UBE2E2: variants seen among roughly 807,000 people sequenced by gnomAD.
The protein encoded by UBE2E2 is ubiquitin conjugating enzyme E2 E2.
UBE2E2 carries 6 observed loss-of-function variants against 24.7 expected under a neutral mutation model. The observed-to-expected ratio is 0.24, with a 90% confidence interval of 0.13 to 0.48. The LOEUF is 0.48. Among genes scored for constraint, UBE2E2 ranks in the 20% least tolerant of loss-of-function variants. The probability of loss-of-function intolerance (pLI) is 0.99; values close to 1 mark genes in which losing one functional copy is unlikely to be tolerated. For synonymous variants in UBE2E2, 104 were observed against 83.6 expected (o/e 1.24, Z -1.33); for missense variants, 169 against 245.0 (o/e 0.69, Z 2.07).
intron 3 of UBE2E2, among the ~76,000 whole-genome samples, chr3:23,222,975 T>C (rs996538427): frequency 2.0e-5 from 3 of 151,788 alleles, no homozygotes; most frequent in Admixed American, 2.0e-4. Flanking sequence ...TTTGGCCATT[T>C]GCATGTCTTC....
At chr3:23,224,181 A>G (rs1413377891) in intron 3 of UBE2E2, among the ~76,000 whole-genome samples, 3 of 36,808 alleles carry the variant, frequency 8.2e-5, no homozygotes, top group South Asian at 8.2e-4. Context: ...TTTTTTTTTT[A>G]CTATTTCTGT....
chr3:23,402,567 C>A (rs1415596726), intron 3 of UBE2E2, among the ~76,000 whole-genome samples: 1 of 152,138 alleles, frequency 6.6e-6, no homozygotes, highest in African/African-American at 2.4e-5. Flanking sequence ...AGATTTTCAA[C>A]CATCTTTGGT....
intron 3 of UBE2E2, among the ~76,000 whole-genome samples, chr3:23,418,347 A>G (rs1182444316): frequency 2.6e-5 from 4 of 152,220 alleles, no homozygotes; most frequent in African/African-American, 9.6e-5. Flanking sequence ...GGGTAACGCA[A>G]TGCCCCACCC....
chr3:23,268,198 C>A lies in UBE2E2; in HGVS notation c.227+50886C>A, dbSNP rs879905279. Among the ~76,000 whole-genome samples the A allele has an allele frequency of 7.6e-3, 1,135 of 149,272 alleles. 6 individuals are homozygous for A. The highest frequency in any genetic ancestry group is 0.013 in the Non-Finnish European group (903 of 67,030). ...CCTATTCAACATAGTGTTGGAAGTT[C>A]TGGCCAGGGCAATTAGGCAGGAGAA... is the stretch of plus-strand genomic sequence containing the variant. On this transcript the variant is annotated intron_variant, in intron 3 of 5. Coordinates refer to ENST00000396703, the MANE Select transcript of UBE2E2 (RefSeq NM_152653.4).
At position 23,354,881 on chromosome 3, in the gene UBE2E2, A is replaced by G. The variant is rs1459879576; in HGVS notation, c.227+137569A>G. 2.6e-5 allele frequency among the ~76,000 whole-genome samples: 4 copies of G among 152,362 alleles called. No individual in the cohort carries two copies. The East Asian group carries it at 5.8e-4, about 22-fold the overall frequency. ...TGACCCAGCCATCCCATTACTGGGT[A>G]TATACCCAAAGAACTATAAATCATG... On this transcript the variant is annotated intron_variant, in intron 3 of 5. Coordinates refer to ENST00000396703, the MANE Select transcript of UBE2E2 (RefSeq NM_152653.4).
At chr3:23,367,667 G>A (rs538237645) in intron 3 of UBE2E2, among the ~76,000 whole-genome samples, 19 of 152,148 alleles carry the variant, frequency 1.2e-4, no homozygotes, top group South Asian at 1.2e-3. Flanking sequence ...GATTTCGTTC[G>A]GGCAGATTAA....
At chr3:23,275,643 T>C (rs930452975) in intron 3 of UBE2E2, among the ~76,000 whole-genome samples, 1 of 152,218 alleles carries the variant, frequency 6.6e-6, no homozygotes, top group African/African-American at 2.4e-5. Context: ...AGCAGTCTTA[T>C]TCTCAGTTTT....
At chr3:23,534,622 C>T (rs1002163979) in intron 5 of UBE2E2, among the ~76,000 whole-genome samples, 3 of 152,078 alleles carry the variant, frequency 2.0e-5, no homozygotes, top group Non-Finnish European at 4.4e-5. Flanking sequence ...CTTCTAGAAT[C>T]TTAAATAGAG....
chr3:23,424,371 C>G (rs1287436842), intron 3 of UBE2E2, among the ~76,000 whole-genome samples: 2 of 151,230 alleles, frequency 1.3e-5, no homozygotes, highest in Admixed American at 1.3e-4. Flanking sequence ...GCTGGGGTAT[C>G]TACTCTTGTA....
rs182864926 is a variant in UBE2E2 at position 23,205,757 on chromosome 3, G to A, written c.-9+2293G>A. Among the ~76,000 whole-genome samples, 262 of 152,170 alleles carry A rather than the reference G, an allele frequency of 1.7e-3. 2 individuals carry two copies. The highest frequency in any genetic ancestry group is 5.9e-3 in the African/African-American group (244 of 41,532). On this transcript the variant is annotated intron_variant, in intron 1 of 5. Coordinates refer to ENST00000396703, the MANE Select transcript of UBE2E2 (RefSeq NM_152653.4). ...AACCAGAAATTACACCTCTGTTGGG[G>A]AATTTCTAATAGTATTTTTATTAGT...
At chr3:23,418,125 A>G (rs1367032285) in intron 3 of UBE2E2, among the ~76,000 whole-genome samples, 1 of 152,134 alleles carries the variant, frequency 6.6e-6, no homozygotes, top group Non-Finnish European at 1.5e-5. Flanking sequence ...TCCTGCAGCT[A>G]GCTTGGTGTC....
At chr3:23,257,431 T>C (rs909396296) in intron 3 of UBE2E2, among the ~76,000 whole-genome samples, 1 of 147,956 alleles carries the variant, frequency 6.8e-6, no homozygotes, top group African/African-American at 2.5e-5. Flanking sequence ...ACAAAATAGA[T>C]GTACTTAAGC....
chr3:23,446,578 G>A (rs1018260829), intron 3 of UBE2E2, among the ~76,000 whole-genome samples: 4 of 151,998 alleles, frequency 2.6e-5, no homozygotes, highest in Middle Eastern at 3.2e-3. Flanking sequence ...GATAGGGACT[G>A]AGAAGAAAGC....
Position 23,327,716 on chromosome 3 carries a change from C to T in UBE2E2, c.227+110404C>T, listed in dbSNP as rs935565204. On this transcript the variant is annotated intron_variant, in intron 3 of 5. Transcript: ENST00000396703. ...TTTTTCCTTTTGCAAAGCAAAGGCT[C>T]GACAAAATTTTATAGACTGGTGAAA... 3.9e-5 allele frequency among the ~76,000 whole-genome samples: 6 copies of T among 152,030 alleles called. No individual in the cohort carries two copies. The South Asian group carries it at 1.0e-3, about 26-fold the overall frequency.
At chr3:23,540,183 C>T (rs981643425) in intron 5 of UBE2E2, among the ~76,000 whole-genome samples, 1 of 152,076 alleles carries the variant, frequency 6.6e-6, no homozygotes, top group African/African-American at 2.4e-5. Flanking sequence ...CCTGCTTCAG[C>T]CTCCCGAGTA....
At chr3:23,422,253 G>A (rs1236907633) in intron 3 of UBE2E2, among the ~76,000 whole-genome samples, 5 of 152,072 alleles carry the variant, frequency 3.3e-5, no homozygotes, top group African/African-American at 4.8e-5. Flanking sequence ...TAATAAATAC[G>A]GGGATAGAGA....
chr3:23,432,266 T>G (rs1698078345), intron 3 of UBE2E2, among the ~76,000 whole-genome samples: 1 of 152,130 alleles, frequency 6.6e-6, no homozygotes, highest in South Asian at 2.1e-4. Context: ...AATTAATTGG[T>G]TAATGCATTA....
intron 3 of UBE2E2, among the ~76,000 whole-genome samples, chr3:23,492,844 A>C (rs1699527749): frequency 1.3e-5 from 2 of 152,150 alleles, no homozygotes; most frequent in African/African-American, 2.4e-5. Context: ...TATGTATGTA[A>C]TTTTAAATAT....
rs118158024 is a variant in UBE2E2, at chr3:23,385,601, C to T, written c.228-114007C>T. Among the ~76,000 whole-genome samples the T allele has an allele frequency of 5.6e-4, 85 of 152,278 alleles. 2 individuals carry two copies. The East Asian group carries it at 0.015, about 27-fold the overall frequency. ...TGCTGATGAAACTGCTTAAAGAAAT[C>T]AGATATGATCTTTAGCAGAGCCAAA... On this transcript the variant is annotated intron_variant, in intron 3 of 5. Coordinates refer to ENST00000396703, the MANE Select transcript of UBE2E2 (RefSeq NM_152653.4).
Sources: gnomAD v4.1 joint callset for allele counts (sites outside exome capture counted in the v4.1 genomes callset) on GRCh38, gnomAD v4.1.1 for gene constraint, MANE v1.5 for transcripts, NCBI Gene and HGNC (gene_info 2026-07-23, HGNC 2026-07-21) for gene names.